The following ANKRD16 variants were observed in gnomAD, a reference collection of about 807,000 sequenced individuals.
The protein encoded by ANKRD16 is ankyrin repeat domain-containing protein 16.
ANKRD16 carries 35 observed loss-of-function variants against 37.9 expected under a neutral mutation model. The ratio of observed to expected loss-of-function variants is 0.92; its 90% confidence interval spans 0.71 to 1.23. ANKRD16 has a LOEUF of 1.23. Ranked by LOEUF, ANKRD16 falls within the 50% of genes most tolerant of loss-of-function variation. The pLI, the probability that ANKRD16 is intolerant of heterozygous loss-of-function variation, is 0.00. For synonymous variants in ANKRD16, 206 were observed against 197.2 expected, an observed-to-expected ratio of 1.04 and a Z score of -0.37; for missense variants, 480 against 469.9, an observed-to-expected ratio of 1.02 and a Z score of -0.20.
chr10:5,877,629 T>C (rs574127182), intron 7 of ANKRD16, among the ~76,000 whole-genome samples: 23 of 152,352 alleles, frequency 1.5e-4, no homozygotes, highest in African/African-American at 5.3e-4. Flanking sequence ...ACCATTGTAA[T>C]GGCCAAGTAA....
rs1842160983 is a variant in ANKRD16, at chr10:5,874,931, A to G, written c.*33+3166T>C. Among the ~76,000 whole-genome samples the G allele has an allele frequency of 6.6e-6, 1 of 152,198 alleles. No homozygotes were observed. The highest frequency in any genetic ancestry group is 1.9e-4 in the East Asian group (1 of 5,198). On this transcript the variant is annotated intron_variant, in intron 7 of 7. Transcript: ENST00000380094. The surrounding 1 kb of genome is among the most constrained non-coding windows in gnomAD (Gnocchi z 4.7). ...GGCAGAGAAGGAAAAGGCAGAAAGA[A>G]AAACCCAGGAGTGCATTATTGCATG...
chr10:5,888,539 G>A (rs113296993), intron 1 of ANKRD16, among the ~76,000 whole-genome samples: 6,186 of 152,274 alleles, frequency 0.041, 413 homozygotes, highest in African/African-American at 0.14. Context: ...TGTGATGGTG[G>A]AGCAGAGTAT....
chr10:5,885,787 A>C (rs1842414063), intron 2 of ANKRD16, 22 bp from the exon 3 acceptor site: 3 of 1,598,390 alleles, frequency 1.9e-6, no homozygotes, highest in Non-Finnish European at 2.6e-6. Context: ...AAGAAAGCTG[A>C]GAATTAGAGC....
chr10:5,862,166 G>A lies in ANKRD16; in HGVS notation c.*559C>T, dbSNP rs113295435. ...GATCCTCCCGCCTCGGCCTCCCAAAGTGCTGGGATTACAGGCATGAGCCAC... is the reference window on the plus strand; with the variant it reads ...GATCCTCCCGCCTCGGCCTCCCAAAATGCTGGGATTACAGGCATGAGCCAC... On this transcript the variant is annotated 3_prime_UTR_variant, in exon 8 of 8. Transcript: ENST00000380094. This position sits in a 1 kb window ranked among gnomAD's most constrained non-coding sequence, Gnocchi z 6.5. The A allele has an allele frequency of 0.018, 4,165 of 229,808 alleles. 179 individuals carry two copies. Among genetic ancestry groups the A allele is most frequent in the African/African-American group, 0.089 (3,872 of 43,468 alleles). 14.2% of individuals were successfully genotyped at this position (229,808 alleles called of 1,614,324 possible).
chr10:5,873,007 G>A (rs1162709585), intron 7 of ANKRD16, among the ~76,000 whole-genome samples: 2 of 140,704 alleles, frequency 1.4e-5, no homozygotes, highest in Non-Finnish European at 3.0e-5. Context: ...CTACAGGTGT[G>A]CCCCACCACA....
At chr10:5,880,942 C>T (rs1158083881) in intron 5 of ANKRD16, among the ~76,000 whole-genome samples, 2 of 150,014 alleles carry the variant, frequency 1.3e-5, no homozygotes, top group African/African-American at 2.5e-5. Context: ...AGTGAATTTT[C>T]ATCTTTTTTT....
intron 7 of ANKRD16, among the ~76,000 whole-genome samples, chr10:5,873,115 C>T (rs897425674): frequency 6.6e-6 from 1 of 151,368 alleles, no homozygotes; most frequent in Non-Finnish European, 1.5e-5. Flanking sequence ...CTGCAACCTC[C>T]GCCTCCCGGG....
At chr10:5,884,253 G>A (rs7919913) in intron 3 of ANKRD16, among the ~76,000 whole-genome samples, 176 bp from the exon 4 acceptor site, 51,141 of 152,118 alleles carry the variant, frequency 0.34, 9,143 homozygotes, top group Middle Eastern at 0.38. Flanking sequence ...CTTCAGGAGC[G>A]TGATGGTCTT....
In ANKRD16 at chr10:5,862,932, C is replaced by T. The variant is rs1046466105; in HGVS notation, c.*34-241G>A. ...TTGGGCATTTCCCCTGTACCAGACA[C>T]TGTGCTAAATGACCCTTCTGCTCTG... On this transcript the variant is annotated intron_variant, in intron 7 of 7. Transcript: ENST00000380094. The surrounding 1 kb of genome is among the most constrained non-coding windows in gnomAD (Gnocchi z 6.5). 1.8e-4 allele frequency among the ~76,000 whole-genome samples: 28 copies of T among 152,140 alleles called. No individual in the cohort carries two copies. The highest frequency in any genetic ancestry group is 6.8e-4 in the African/African-American group (28 of 41,398).
chr10:5,874,527 G>A lies in ANKRD16; in HGVS notation c.*33+3570C>T, dbSNP rs909144218. ...TGTGGAACAGGCAGATTAGAGAGCC[G>A]CCCAGCAGCTGTCCTCTGCAGGGAC... On this transcript the variant is annotated intron_variant, in intron 7 of 7. Transcript: ENST00000380094. This position sits in a 1 kb window ranked among gnomAD's most constrained non-coding sequence, Gnocchi z 4.7. Among the ~76,000 whole-genome samples, 12 of 152,242 alleles carry A rather than the reference G, an allele frequency of 7.9e-5. No individual in the cohort carries two copies. Among genetic ancestry groups the A allele is most frequent in the African/African-American group, 2.6e-4 (11 of 41,548 alleles).
chr10:5,879,084 C>G (rs1278665963), intron 6 of ANKRD16, among the ~76,000 whole-genome samples: 1 of 152,196 alleles, frequency 6.6e-6, no homozygotes, highest in Non-Finnish European at 1.5e-5. Flanking sequence ...TGCTTTCCCT[C>G]CAGCAGAGAA....
rs1164062185 is a variant in ANKRD16 at position 5,866,706 on chromosome 10, GA to G, written c.*34-4016del. Reference sequence around the variant, plus strand: ...CCGAAGCCATCAAAAAGGGGAAGGAGAGGGGAGAACAGCAGCGTAAGTGGCT... The same window carrying G: ...CCGAAGCCATCAAAAAGGGGAAGGAGGGGGAGAACAGCAGCGTAAGTGGCT... On this transcript the variant is annotated intron_variant, in intron 7 of 7. Transcript: ENST00000380094. The surrounding 1 kb of genome is among the most constrained non-coding windows in gnomAD (Gnocchi z 4.3). 6.6e-6 allele frequency among the ~76,000 whole-genome samples: 1 copy of G among 152,210 alleles called. No individual in the cohort carries two copies. Among genetic ancestry groups the G allele is most frequent in the African/African-American group, 2.4e-5 (1 of 41,442 alleles).
Position 5,869,199 on chromosome 10 carries a change from A to G in ANKRD16, c.*34-6508T>C, listed in dbSNP as rs1397176912. Among the ~76,000 whole-genome samples the G allele has an allele frequency of 6.6e-6, 1 of 152,100 alleles. No homozygotes were observed. Among genetic ancestry groups the G allele is most frequent in the Non-Finnish European group, 1.5e-5 (1 of 68,032 alleles). On this transcript the variant is annotated intron_variant, in intron 7 of 7. Transcript: ENST00000380094. This position sits in a 1 kb window ranked among gnomAD's most constrained non-coding sequence, Gnocchi z 4.0. ...AAAAGATTAGATACCCTGCTTTTGG[A>G]GGCGAGGGATGTGTTTATTGCCTTG... is the stretch of plus-strand genomic sequence containing the variant.
In ANKRD16 at chr10:5,878,202, C is replaced by T. The variant is rs756356683; in HGVS notation, c.1014G>A (p.Thr338=). The T allele has an allele frequency of 1.2e-5, 20 of 1,613,980 alleles. No homozygotes were observed. The highest frequency in any genetic ancestry group is 1.5e-5 in the Non-Finnish European group (18 of 1,180,030). ...TTGGGAGCTGCTGAGCCAGGGTGCC[C>T]GTGATGTCTTCAGAATCCTTCAGTC... ...QSGLKDSEDI[T]GTLAQQLPRR... Residue 338 remains threonine (T), a synonymous_variant, in exon 7 of 8, where the codon ACG becomes ACA. Coordinates refer to ENST00000380094, the MANE Select transcript of ANKRD16 (RefSeq NM_019046.3). The surrounding 1 kb of genome is among the most constrained non-coding windows in gnomAD (Gnocchi z 5.1).
rs965072714 is a variant in ANKRD16, at chr10:5,870,077, C to T, written c.*34-7386G>A. Among the ~76,000 whole-genome samples the T allele has an allele frequency of 6.6e-6, 1 of 152,058 alleles. No homozygotes were observed. Among genetic ancestry groups the T allele is most frequent in the African/African-American group, 2.4e-5 (1 of 41,396 alleles). ...CGTACAGACATTAGACTCATTCCTC[C>T]TCCTCACTTTCTGTTGGACCATTCT... On this transcript the variant is annotated intron_variant, in intron 7 of 7. Transcript: ENST00000380094. This position sits in a 1 kb window ranked among gnomAD's most constrained non-coding sequence, Gnocchi z 5.0.
intron 6 of ANKRD16, among the ~76,000 whole-genome samples, chr10:5,879,336 T>C (rs1356970803): frequency 1.3e-5 from 2 of 152,066 alleles, no homozygotes; most frequent in Non-Finnish European, 2.9e-5. Context: ...TAGCTGGGCA[T>C]GGTGGTGGGC....
chr10:5,881,178 T>A, intron 5 of ANKRD16: 1 of 659,770 alleles, frequency 1.5e-6, no homozygotes, highest in Non-Finnish European at 1.9e-6. Context: ...TGGTGACATT[T>A]AATTATTAGA....
intron 7 of ANKRD16, among the ~76,000 whole-genome samples, chr10:5,876,681 G>A (rs686854): frequency 0.4 from 60,712 of 151,954 alleles, 12,691 homozygotes; most frequent in East Asian, 0.68. Flanking sequence ...TAATTAAGAC[G>A]AACGGGAAAT....
intron 6 of ANKRD16, among the ~76,000 whole-genome samples, chr10:5,879,721 A>T (rs74689330): frequency 6.6e-6 from 1 of 151,646 alleles, no homozygotes; most frequent in Admixed American, 6.6e-5. Flanking sequence ...TATGATGCAT[A>T]TATTGTTATG....
Sources: gnomAD v4.1 joint callset for allele counts (sites outside exome capture counted in the v4.1 genomes callset) on GRCh38, gnomAD v4.1.1 for gene constraint, Gnocchi (gnomAD v3.1) non-coding constraint, MANE v1.5 for transcripts, NCBI Gene and HGNC (gene_info 2026-07-23, HGNC 2026-07-21) for gene names.